The following PKNOX2 variants were observed in gnomAD, a reference collection of about 807,000 sequenced individuals.
PKNOX2 encodes homeobox protein PKNOX2.
In PKNOX2, 14 loss-of-function variants were observed where a neutral mutation model predicts 53.1. The ratio of observed to expected loss-of-function variants is 0.26; its 90% CI spans 0.17 to 0.41. The LOEUF (loss-of-function observed/expected upper bound fraction) is 0.41. PKNOX2 is among the 10% of genes least tolerant of loss of function. PKNOX2 has a pLI of 1.00. For missense variants in PKNOX2, 496 were observed against 602.8 expected (o/e 0.82, Z 1.85); for synonymous variants, 257 against 242.8 (o/e 1.06, Z -0.54).
rs1271575840 is a variant in PKNOX2, at chr11:125,165,322, C to A, written c.-201+546C>A. Among the ~76,000 whole-genome samples, 1 of 152,086 alleles carries A rather than the reference C, an allele frequency of 6.6e-6. No homozygotes were observed. Among genetic ancestry groups the A allele is most frequent in the African/African-American group, 2.4e-5 (1 of 41,446 alleles). ...GGGGACCCGAGAATAGGAACAGGCA[C>A]GCCGGCCCGAGCCCGGGTGCAGAAG... On this transcript the variant is annotated intron_variant, in intron 1 of 12. Transcript: ENST00000298282. This position sits in a 1 kb window ranked among gnomAD's most constrained non-coding sequence, Gnocchi z 4.5.
At chr11:125,393,158 C>CA (rs571335360) in intron 6 of PKNOX2, among the ~76,000 whole-genome samples, 5,059 of 69,966 alleles carry the variant, frequency 0.072, 244 homozygotes, top group African/African-American at 0.18. Context: ...AGACTCGTCT[C>CA]AAAAAAAAAA....
At chr11:125,311,487 T>G (rs998261887) in intron 2 of PKNOX2, among the ~76,000 whole-genome samples, 1 of 152,152 alleles carries the variant, frequency 6.6e-6, no homozygotes, top group African/African-American at 2.4e-5. Context: ...TTCTGGTGTA[T>G]GCAAAGTGCT....
chr11:125,237,377 A>AC (rs1007889477), intron 2 of PKNOX2, among the ~76,000 whole-genome samples: 1 of 151,920 alleles, frequency 6.6e-6, no homozygotes, highest in Non-Finnish European at 1.5e-5. Context: ...GAACATAAAT[A>AC]CCCCCCTTCT....
chr11:125,282,338 A>G (rs373376577), intron 2 of PKNOX2, among the ~76,000 whole-genome samples: 16 of 152,312 alleles, frequency 1.1e-4, no homozygotes, highest in Middle Eastern at 6.8e-3. Context: ...AGTGTCATTG[A>G]CAGGTTTAAA....
At chr11:125,385,857 T>C in intron 6 of PKNOX2, 135 bp downstream of exon 6, 1 of 1,053,770 alleles carries the variant, frequency 9.5e-7, no homozygotes, top group Non-Finnish European at 1.3e-6. Context: ...ATGCACTAGA[T>C]GCACCAGTCT....
At chr11:125,187,210 C>T (rs1956503606) in intron 1 of PKNOX2, among the ~76,000 whole-genome samples, 1 of 151,724 alleles carries the variant, frequency 6.6e-6, no homozygotes. Flanking sequence ...CTTGCAATTC[C>T]ATTTGAAGTT....
chr11:125,276,124 G>A (rs1032622387), intron 2 of PKNOX2, among the ~76,000 whole-genome samples: 5 of 152,200 alleles, frequency 3.3e-5, no homozygotes, highest in Admixed American at 6.5e-5. Flanking sequence ...ATGCTGCTGG[G>A]AAGTCAAAAT....
At chr11:125,170,472 AG>A (rs1225737467) in intron 1 of PKNOX2, among the ~76,000 whole-genome samples, 4 of 152,170 alleles carry the variant, frequency 2.6e-5, no homozygotes, top group Non-Finnish European at 4.4e-5. Flanking sequence ...CCTGAACTCC[AG>A]GTTTTCCTCC....
At chr11:125,299,562 C>A (rs1028401559) in intron 2 of PKNOX2, among the ~76,000 whole-genome samples, 1 of 152,100 alleles carries the variant, frequency 6.6e-6, no homozygotes, top group Admixed American at 6.6e-5. Context: ...CTACTCCTGA[C>A]CTTAGACAAT....
At chr11:125,183,535 T>C (rs761784253) in intron 1 of PKNOX2, among the ~76,000 whole-genome samples, 6 of 152,146 alleles carry the variant, frequency 3.9e-5, no homozygotes, top group Non-Finnish European at 8.8e-5. Context: ...TGGTGACACA[T>C]ATTAAATCCC....
intron 2 of PKNOX2, among the ~76,000 whole-genome samples, chr11:125,245,550 C>G (rs574368105): frequency 3.5e-4 from 53 of 152,330 alleles, no homozygotes; most frequent in African/African-American, 1.3e-3. Flanking sequence ...GCGGCCTCCC[C>G]CAAATCCTCT....
chr11:125,400,261 T>G (rs1334421338), intron 7 of PKNOX2, among the ~76,000 whole-genome samples: 1 of 152,138 alleles, frequency 6.6e-6, no homozygotes, highest in African/African-American at 2.4e-5. Context: ...TCCCTGCATT[T>G]TCTCTGACTG....
chr11:125,338,576 A>C (rs1336454089), intron 3 of PKNOX2, among the ~76,000 whole-genome samples: 1 of 152,112 alleles, frequency 6.6e-6, no homozygotes, highest in Non-Finnish European at 1.5e-5. Context: ...GCTCCGATCA[A>C]CCTACTCTGG....
chr11:125,349,555 G>A lies in PKNOX2; in HGVS notation c.-22-1729G>A, dbSNP rs991233074. On this transcript the variant is annotated intron_variant, in intron 3 of 12. Transcript: ENST00000298282. ...GCCTGAAGTCGGCATTTTTAGCACC[G>A]GGGGAGCCATCCCTCCCTGTGCATT... is the stretch of plus-strand genomic sequence containing the variant. 3.1e-4 allele frequency among the ~76,000 whole-genome samples: 47 copies of A among 152,008 alleles called. 1 individual carries two copies. The highest frequency in any genetic ancestry group is 7.3e-5 in the African/African-American group (3 of 41,364).
At chr11:125,191,925 G>C (rs1956900886) in intron 1 of PKNOX2, among the ~76,000 whole-genome samples, 1 of 152,182 alleles carries the variant, frequency 6.6e-6, no homozygotes, top group Non-Finnish European at 1.5e-5. Context: ...CCTTTCTACT[G>C]CTCCAGTGTG....
At chr11:125,351,166 C>T (rs1347476140) in intron 3 of PKNOX2, 118 bp from the exon 4 acceptor site, 2 of 708,140 alleles carry the variant, frequency 2.8e-6, no homozygotes, top group African/African-American at 1.8e-5. Context: ...GGGCGTGCAA[C>T]CCTTGCCGCA....
chr11:125,171,827 C>T (rs1955342396), intron 1 of PKNOX2, among the ~76,000 whole-genome samples: 2 of 152,246 alleles, frequency 1.3e-5, no homozygotes, highest in African/African-American at 2.4e-5. Flanking sequence ...AACAGGTACA[C>T]AGACCCTGAG....
intron 5 of PKNOX2, among the ~76,000 whole-genome samples, chr11:125,377,034 T>C (rs1952884091): frequency 6.6e-6 from 1 of 152,188 alleles, no homozygotes; most frequent in South Asian, 2.1e-4. Context: ...TCAGTGGAGA[T>C]GGGAATATAA....
At chr11:125,309,300 A>G (rs2135998115) in intron 2 of PKNOX2, among the ~76,000 whole-genome samples, 1 of 150,874 alleles carries the variant, frequency 6.6e-6, no homozygotes, top group East Asian at 2.0e-4. Flanking sequence ...TTTCATTCCA[A>G]CATCCCTTTA....
Sources: gnomAD v4.1 joint callset for allele counts (sites outside exome capture counted in the v4.1 genomes callset) on GRCh38, gnomAD v4.1.1 for gene constraint, Gnocchi (gnomAD v3.1) non-coding constraint, MANE v1.5 for transcripts, NCBI Gene and HGNC (gene_info 2026-07-23, HGNC 2026-07-21) for gene names.